Variants in PLXDC2 observed in about 807,000 individuals in gnomAD.
PLXDC2 encodes plexin domain-containing protein 2.
PLXDC2 carries 40 observed loss-of-function variants against 68.9 expected under a neutral mutation model. The observed-to-expected ratio is 0.58, with a 90% CI of 0.45 to 0.76. PLXDC2 has a LOEUF of 0.76. PLXDC2 is among the 30% of genes least tolerant of loss of function. PLXDC2 has a pLI of 0.00. For synonymous variants in PLXDC2, 243 were observed against 234.2 expected, an observed-to-expected ratio of 1.04 and a Z score of -0.34; for missense variants, 644 against 661.9, an observed-to-expected ratio of 0.97 and a Z score of 0.30.
chr10:20,241,950 A>T (rs763252266), intron 12 of PLXDC2, among the ~76,000 whole-genome samples: 26 of 151,900 alleles, frequency 1.7e-4, no homozygotes, highest in Non-Finnish European at 3.4e-4. Context: ...GGATGCATGG[A>T]TGGATGGATG....
At chr10:20,095,609 C>T (rs1021267964) in intron 4 of PLXDC2, among the ~76,000 whole-genome samples, 6 of 151,794 alleles carry the variant, frequency 4.0e-5, no homozygotes, top group Non-Finnish European at 8.8e-5. Flanking sequence ...AGGACTAGTT[C>T]GTGGCAAAAA....
rs867172280 is a variant in PLXDC2, at chr10:20,046,900, G to A, written c.356G>A (p.Arg119Gln). Reference sequence around the variant, plus strand: ...ACAGACCACAATTACTATATATCTCGAATATATGGTCCATCTGATTCTGCC... The same window carrying A: ...ACAGACCACAATTACTATATATCTCAAATATATGGTCCATCTGATTCTGCC... The part of the protein sequence containing the change: ...EDTDHNYYIS[R>Q]IYGPSDSASR... The change falls in exon 3 of 14, where the codon CGA (arginine) becomes CAA (glutamine). Residue 119 changes from arginine (R) to glutamine (Q), a missense_variant. Arg to Gln is a conservative substitution (Grantham distance 43, BLOSUM62 1). This residue lies in a region of PLXDC2 where 201 missense variants were observed against 166.9 expected (regional missense o/e 1.20). Transcript: ENST00000377252. 9 of 1,611,512 alleles carry A rather than the reference G, an allele frequency of 5.6e-6. No individual in the cohort carries two copies. Among genetic ancestry groups the A allele is most frequent in the East Asian group, 2.2e-5 (1 of 44,756 alleles).
intron 9 of PLXDC2, among the ~76,000 whole-genome samples, chr10:20,185,727 T>A (rs988310234): frequency 1.3e-5 from 2 of 151,986 alleles, no homozygotes; most frequent in Admixed American, 6.6e-5. Flanking sequence ...TTTACATGAT[T>A]GTTTCATATA....
At chr10:20,115,453 T>C (rs1253554119) in intron 4 of PLXDC2, among the ~76,000 whole-genome samples, 1 of 152,194 alleles carries the variant, frequency 6.6e-6, no homozygotes, top group East Asian at 1.9e-4. Context: ...GTCATCTTTC[T>C]CAATAATGTG....
chr10:19,945,449 G>A (rs1175062151), intron 1 of PLXDC2, among the ~76,000 whole-genome samples: 1 of 152,170 alleles, frequency 6.6e-6, no homozygotes, highest in African/African-American at 2.4e-5. Context: ...GTTTGGAATT[G>A]GATACCATCC....
At chr10:19,839,748 C>A (rs1157127459) in intron 1 of PLXDC2, among the ~76,000 whole-genome samples, 3 of 151,764 alleles carry the variant, frequency 2.0e-5, no homozygotes, top group African/African-American at 4.8e-5. Flanking sequence ...TAGAGATACT[C>A]GACAGAGATT....
chr10:19,980,211 A>C (rs1834529778), intron 1 of PLXDC2, among the ~76,000 whole-genome samples: 1 of 152,216 alleles, frequency 6.6e-6, no homozygotes, highest in South Asian at 2.1e-4. Context: ...TTTATGCTTA[A>C]ATGAATGGAT....
rs184576681 is a variant in PLXDC2, at chr10:20,076,489, T to C, written c.541+8250T>C. ...TGTGATGACTAAATTAATTAACATA[T>C]GTTAATGATACCTGTTTCATAGAAA... On this transcript the variant is annotated intron_variant, in intron 4 of 13. Coordinates refer to ENST00000377252, the MANE Select transcript of PLXDC2 (RefSeq NM_032812.9). Among the ~76,000 whole-genome samples, 101 of 152,358 alleles carry C rather than the reference T, an allele frequency of 6.6e-4. 1 individual carries two copies. Among genetic ancestry groups the C allele is most frequent in the Admixed American group, 1.8e-3 (28 of 15,298 alleles).
At chr10:20,119,353 A>G (rs1384790916) in intron 4 of PLXDC2, among the ~76,000 whole-genome samples, 1 of 151,904 alleles carries the variant, frequency 6.6e-6, no homozygotes, top group Non-Finnish European at 1.5e-5. Flanking sequence ...TTGGGTAGGT[A>G]AAGGAAAAAG....
chr10:20,070,244 T>C (rs976109886), intron 4 of PLXDC2, among the ~76,000 whole-genome samples: 1 of 152,192 alleles, frequency 6.6e-6, no homozygotes, highest in African/African-American at 2.4e-5. Context: ...AATATAGATG[T>C]GTGTATAATA....
At position 20,177,098 on chromosome 10, in the gene PLXDC2, A is replaced by G; in HGVS notation, c.979+4A>G. On this transcript the variant is annotated splice_donor_region_variant and intron_variant, in intron 8 of 13. Transcript: ENST00000377252. The stretch of plus-strand genomic sequence containing the variant: ...GTGGAGATGACCCCATTACCCAGTA[A>G]GCGAATATGTAAACCTAGGTGGAAA... 6.3e-7 allele frequency: 1 copy of G among 1,590,206 alleles called. No individual in the cohort carries two copies. Among genetic ancestry groups the G allele is most frequent in the Non-Finnish European group, 8.6e-7 (1 of 1,159,452 alleles).
At chr10:19,889,538 GACC>G (rs1194331729) in intron 1 of PLXDC2, among the ~76,000 whole-genome samples, 1 of 152,106 alleles carries the variant, frequency 6.6e-6, no homozygotes, top group Non-Finnish European at 1.5e-5. Flanking sequence ...CTTATTAAGT[GACC>G]ACAAGTATGC....
At chr10:19,948,010 T>A (rs958780720) in intron 1 of PLXDC2, among the ~76,000 whole-genome samples, 1 of 152,210 alleles carries the variant, frequency 6.6e-6, no homozygotes, top group Non-Finnish European at 1.5e-5. Context: ...CTTTAATAAC[T>A]AAATGGCATC....
intron 2 of PLXDC2, among the ~76,000 whole-genome samples, chr10:20,011,814 A>AG (rs1411815568): frequency 1.3e-5 from 2 of 152,234 alleles, no homozygotes; most frequent in African/African-American, 4.8e-5. Flanking sequence ...GAAGATCTGT[A>AG]GTATGATGAA....
intron 4 of PLXDC2, among the ~76,000 whole-genome samples, chr10:20,122,794 T>C (rs976157829): frequency 6.6e-6 from 1 of 152,162 alleles, no homozygotes; most frequent in East Asian, 1.9e-4. Flanking sequence ...TAAATCCTGT[T>C]GTGGGGTTTG....
chr10:20,186,144 C>CTAAA (rs749730402), intron 9 of PLXDC2, among the ~76,000 whole-genome samples: 10 of 151,762 alleles, frequency 6.6e-5, no homozygotes, highest in Non-Finnish European at 1.0e-4. Context: ...TTTGTCTTTG[C>CTAAA]TAAAAAAAGT....
chr10:19,945,282 C>G (rs1454138901), intron 1 of PLXDC2, among the ~76,000 whole-genome samples: 1 of 152,124 alleles, frequency 6.6e-6, no homozygotes, highest in East Asian at 1.9e-4. Flanking sequence ...AATGTGGCTC[C>G]TCATTGAGGA....
At chr10:19,975,281 C>T (rs908922605) in intron 1 of PLXDC2, among the ~76,000 whole-genome samples, 3 of 151,836 alleles carry the variant, frequency 2.0e-5, no homozygotes, top group East Asian at 1.9e-4. Context: ...GGTGAAACCC[C>T]GTCTCTACTA....
chr10:20,011,199 C>A (rs565104523), intron 2 of PLXDC2, among the ~76,000 whole-genome samples: 2 of 152,136 alleles, frequency 1.3e-5, no homozygotes, highest in East Asian at 3.9e-4. Context: ...GATGAAGGAA[C>A]AAGTGGCCAT....
Sources: allele counts gnomAD v4.1 joint callset (sites outside exome capture counted in the v4.1 genomes callset), GRCh38; gene constraint gnomAD v4.1.1; regional missense constraint gnomAD v4.1.1; transcripts MANE v1.5; gene names NCBI Gene and HGNC (gene_info 2026-07-23, HGNC 2026-07-21).